Variants in FHOD3 observed in about 807,000 individuals in gnomAD.
The protein encoded by FHOD3 is formin homology 2 domain containing 3.
In FHOD3, 90 loss-of-function variants were observed where a neutral mutation model predicts 173.0. The ratio of observed to expected loss-of-function variants is 0.52; its 90% CI spans 0.44 to 0.62. The LOEUF is 0.62. Ranked by LOEUF, FHOD3 falls within the 20% of genes least tolerant of loss-of-function variation. The probability of loss-of-function intolerance (pLI) is 0.00; values close to 1 mark genes in which losing one functional copy is unlikely to be tolerated. For synonymous variants in FHOD3, 828 were observed against 823.0 expected, an observed-to-expected ratio of 1.01 and a Z score of -0.10; for missense variants, 1,945 against 2,034.7, an observed-to-expected ratio of 0.96 and a Z score of 0.85.
At chr18:36,306,174 C>T (rs755495942) in intron 1 of FHOD3, among the ~76,000 whole-genome samples, 18 of 152,182 alleles carry the variant, frequency 1.2e-4, no homozygotes, top group South Asian at 4.1e-4. Context: ...AGGGCATGGG[C>T]GCTGGAGCCC....
chr18:36,495,691 G>C (rs1023187391), intron 3 of FHOD3, among the ~76,000 whole-genome samples: 1 of 152,138 alleles, frequency 6.6e-6, no homozygotes, highest in Non-Finnish European at 1.5e-5. Flanking sequence ...AGGGTCAGTG[G>C]ACCTGCAACT....
intron 1 of FHOD3, among the ~76,000 whole-genome samples, chr18:36,343,960 T>C (rs190776257): frequency 5.3e-4 from 80 of 152,158 alleles, no homozygotes; most frequent in African/African-American, 1.8e-3. Context: ...TGCTAATGGG[T>C]TTGTGGTTTA....
At chr18:36,636,991 A>G (rs1382344149) in intron 10 of FHOD3, among the ~76,000 whole-genome samples, 1 of 152,202 alleles carries the variant, frequency 6.6e-6, no homozygotes, top group East Asian at 1.9e-4. Flanking sequence ...ATCAGGAAAA[A>G]ACAACTATGA....
intron 7 of FHOD3, among the ~76,000 whole-genome samples, chr18:36,602,175 T>C (rs1356197803): frequency 6.6e-6 from 1 of 152,234 alleles, no homozygotes; most frequent in East Asian, 1.9e-4. Context: ...ATAGTATTTG[T>C]GCCTTGATGG....
chr18:36,718,303 A>C lies in FHOD3; in HGVS notation c.3005A>C (p.Glu1002Ala), dbSNP rs202061844. 5 of 1,613,936 alleles carry C rather than the reference A, an allele frequency of 3.1e-6. No individual in the cohort carries two copies. Among genetic ancestry groups the C allele is most frequent in the Non-Finnish European group, 4.2e-6 (5 of 1,180,014 alleles). Reference protein sequence around the residue: ...IQDMDFTDLGEEDDIDVLDVD... With the variant: ...IQDMDFTDLGAEDDIDVLDVD... ...GACATGGATTTCACTGACCTGGGGGAGGAGGATGACATTGATGTCCTAGAT... is the reference window on the plus strand; with the variant it reads ...GACATGGATTTCACTGACCTGGGGGCGGAGGATGACATTGATGTCCTAGAT... The change falls in exon 19 of 29, where the codon GAG (glutamate) becomes GCG (alanine). Residue 1002 changes from glutamate (E) to alanine (A), a missense_variant. Physicochemically the swap from Glu to Ala is moderately radical, Grantham distance 107 (BLOSUM62 -1). Coordinates refer to ENST00000590592, the MANE Select transcript of FHOD3 (RefSeq NM_001281740.3).
chr18:36,396,149 T>G (rs938503990), intron 3 of FHOD3, among the ~76,000 whole-genome samples: 1 of 152,210 alleles, frequency 6.6e-6, no homozygotes, highest in African/African-American at 2.4e-5. Context: ...TTTATGTCCC[T>G]TGTTATTTTT....
chr18:36,309,433 C>A (rs943011008), intron 1 of FHOD3, among the ~76,000 whole-genome samples: 2 of 152,216 alleles, frequency 1.3e-5, no homozygotes, highest in African/African-American at 4.8e-5. Context: ...CACGGAGATT[C>A]TGCCTTTTGC....
intron 1 of FHOD3, among the ~76,000 whole-genome samples, chr18:36,343,071 G>A (rs2145513292): frequency 6.6e-6 from 1 of 152,312 alleles, no homozygotes; most frequent in South Asian, 2.1e-4. Context: ...TTGCTGGTGG[G>A]AATGTAAAAT....
chr18:36,711,631 C>T (rs2040178349), intron 18 of FHOD3, among the ~76,000 whole-genome samples: 1 of 152,168 alleles, frequency 6.6e-6, no homozygotes, highest in African/African-American at 2.4e-5. Context: ...AGCTTCATTG[C>T]TCCTGGGTCC....
chr18:36,463,182 C>A (rs1427475423), intron 3 of FHOD3, among the ~76,000 whole-genome samples: 1 of 151,236 alleles, frequency 6.6e-6, no homozygotes, highest in Non-Finnish European at 1.5e-5. Context: ...TAGTAAAATC[C>A]AAATTAGTTA....
chr18:36,577,528 T>C (rs1173093713), intron 6 of FHOD3, among the ~76,000 whole-genome samples: 1 of 152,224 alleles, frequency 6.6e-6, no homozygotes, highest in Non-Finnish European at 1.5e-5. Flanking sequence ...CTTGAACTCC[T>C]GGCCTCAAAT....
chr18:36,594,865 A>T lies in FHOD3; in HGVS notation c.685A>T (p.Ile229Phe). Residue 229 changes from isoleucine (I) to phenylalanine (F), a missense_variant, in exon 7 of 29, where the codon ATT (isoleucine) becomes TTT (phenylalanine). Physicochemically the swap from Ile to Phe is conservative, Grantham distance 21. Around this residue, in one of 5 missense-constraint regions of FHOD3, gnomAD observed 16 missense variants for 34.0 expected, o/e 0.47. Coordinates refer to ENST00000590592, the MANE Select transcript of FHOD3 (RefSeq NM_001281740.3). ...CTCGGAGTCCAACGCACCTCTCCTA[A>T]TTCAGGCTGTCACTGCTGTTGACAC... Reference protein sequence around the residue: ...EYSESNAPLLIQAVTAVDTKR... With the variant: ...EYSESNAPLLFQAVTAVDTKR... The T allele has an allele frequency of 6.2e-7, 1 of 1,613,684 alleles. No individual in the cohort carries two copies. The highest frequency in any genetic ancestry group is 8.5e-7 in the Non-Finnish European group (1 of 1,179,858).
intron 1 of FHOD3, among the ~76,000 whole-genome samples, chr18:36,332,218 C>T (rs982548892): frequency 2.0e-5 from 3 of 152,238 alleles, no homozygotes; most frequent in African/African-American, 4.8e-5. Context: ...ACCTTGCTAA[C>T]TGGCATACCT....
chr18:36,372,293 C>T (rs1254589711), intron 2 of FHOD3, among the ~76,000 whole-genome samples: 4 of 152,132 alleles, frequency 2.6e-5, no homozygotes, highest in African/African-American at 9.7e-5. Flanking sequence ...GCCCCCAACC[C>T]CACAAAAAGG....
chr18:36,509,781 A>G (rs555311285), intron 4 of FHOD3, among the ~76,000 whole-genome samples: 73 of 152,364 alleles, frequency 4.8e-4, no homozygotes, highest in African/African-American at 1.7e-3. Context: ...GGACTCTTGT[A>G]GATCACTTCA....
At chr18:36,454,795 A>G (rs1776645563) in intron 3 of FHOD3, among the ~76,000 whole-genome samples, 1 of 151,994 alleles carries the variant, frequency 6.6e-6, no homozygotes, top group Non-Finnish European at 1.5e-5. Context: ...ATATTCCAGC[A>G]TCTAACTGCG....
chr18:36,654,329 T>C (rs962769684), intron 13 of FHOD3, among the ~76,000 whole-genome samples: 5 of 152,262 alleles, frequency 3.3e-5, no homozygotes, highest in African/African-American at 1.2e-4. Flanking sequence ...TCTATGATCG[T>C]TAACAATTTT....
intron 25 of FHOD3, among the ~76,000 whole-genome samples, chr18:36,756,327 T>A (rs2042633657): frequency 6.6e-6 from 1 of 152,174 alleles, no homozygotes; most frequent in South Asian, 2.1e-4. Context: ...AGAGTGTGAT[T>A]TTTTTTCATG....
At chr18:36,749,243 T>C (rs749380156) in intron 24 of FHOD3, among the ~76,000 whole-genome samples, 2 of 152,198 alleles carry the variant, frequency 1.3e-5, no homozygotes, top group Non-Finnish European at 2.9e-5. Flanking sequence ...GGTAAACTCA[T>C]GTCATGGGGG....
Sources: allele counts gnomAD v4.1 joint callset (sites outside exome capture counted in the v4.1 genomes callset), GRCh38; gene constraint gnomAD v4.1.1; regional missense constraint gnomAD v4.1.1; transcripts MANE v1.5; gene names NCBI Gene and HGNC (gene_info 2026-07-23, HGNC 2026-07-21).